PCDH10: variants seen among roughly 807,000 people sequenced by gnomAD.
PCDH10 encodes the protein protocadherin-10.
PCDH10 carries 15 observed loss-of-function variants against 74.4 expected under a neutral mutation model. The ratio of observed to expected loss-of-function variants is 0.20; its 90% CI spans 0.13 to 0.31. The LOEUF is 0.31. Ranked by LOEUF, PCDH10 falls within the 10% of genes least tolerant of loss-of-function variation. The probability of loss-of-function intolerance (pLI) is 1.00; values close to 1 mark genes in which losing one functional copy is unlikely to be tolerated. For synonymous variants in PCDH10, 619 were observed against 589.8 expected (o/e 1.05, Z -0.72); for missense variants, 1,260 against 1,390.2 (o/e 0.91, Z 1.49).
intron 4 of PCDH10, among the ~76,000 whole-genome samples, chr4:133,164,322 T>C (rs985151556): frequency 2.6e-5 from 4 of 151,934 alleles, no homozygotes; most frequent in Admixed American, 6.6e-5. Flanking sequence ...AAATCAAACT[T>C]TAATAAGTGA....
downstream of PCDH10, among the ~76,000 whole-genome samples, chr4:133,195,247 A>G (rs917103347): frequency 6.6e-6 from 1 of 152,084 alleles, no homozygotes; most frequent in Non-Finnish European, 1.5e-5. Context: ...GTTCTCTGTA[A>G]CTGATTTTCT....
intron 4 of PCDH10, among the ~76,000 whole-genome samples, chr4:133,168,023 A>G (rs1297994265): frequency 1.3e-5 from 2 of 151,196 alleles, no homozygotes; most frequent in Non-Finnish European, 3.0e-5. Context: ...GTATTTGGTG[A>G]ATTTTATTTT....
Position 133,163,145 on chromosome 4 carries a change from C to G in PCDH10, c.2966C>G (p.Thr989Ser), listed in dbSNP as rs956092581. 1 of 1,614,154 alleles carries G rather than the reference C, an allele frequency of 6.2e-7. No homozygotes were observed. Among genetic ancestry groups the G allele is most frequent in the Non-Finnish European group, 8.5e-7 (1 of 1,180,024 alleles). Residue 989 changes from threonine to serine, a missense_variant, in exon 4 of 5, where the codon ACT becomes AGT. By Grantham distance (58) the Thr-to-Ser change is moderately conservative. This residue lies in a region of PCDH10 where 136 missense variants were observed against 149.3 expected (regional missense o/e 0.91). Coordinates refer to ENST00000264360, the MANE Select transcript of PCDH10 (RefSeq NM_032961.3). ...DSVPDTEVFE[T>S]PEAQPGAERS... is the part of the protein sequence containing the mutation. ...GTTCCAGACACTGAGGTGTTTGAAACTCCAGAAGCCCAGCCTGGGGCAGAG... is the reference window on the plus strand; with the variant it reads ...GTTCCAGACACTGAGGTGTTTGAAAGTCCAGAAGCCCAGCCTGGGGCAGAG...
chr4:133,165,081 C>A (rs114965893), intron 4 of PCDH10, among the ~76,000 whole-genome samples: 21,073 of 147,178 alleles, frequency 0.14, 1,810 homozygotes, highest in Middle Eastern at 0.24. Context: ...TATATACATA[C>A]ATATATTCAT....
intron 4 of PCDH10, among the ~76,000 whole-genome samples, chr4:133,182,673 T>G (rs1727441849): frequency 6.6e-6 from 1 of 152,088 alleles, no homozygotes; most frequent in African/African-American, 2.4e-5. Context: ...TTCCTAAATG[T>G]ACACCAGCAT....
intron 2 of PCDH10, among the ~76,000 whole-genome samples, chr4:133,207,505 T>C (rs1247791959): frequency 6.6e-6 from 1 of 152,168 alleles, no homozygotes; most frequent in African/African-American, 2.4e-5. Context: ...GATAACCATA[T>C]GCTGCATAAC....
intron 2 of PCDH10, among the ~76,000 whole-genome samples, chr4:133,207,534 G>T (rs991598850): frequency 6.6e-6 from 1 of 151,768 alleles, no homozygotes; most frequent in East Asian, 1.9e-4. Flanking sequence ...TAAGTACTTT[G>T]TTAGCTCCAG....
chr4:133,205,804 GTTC>G (rs758308871), intron 2 of PCDH10, among the ~76,000 whole-genome samples: 19 of 151,922 alleles, frequency 1.3e-4, no homozygotes, highest in Non-Finnish European at 2.5e-4. Context: ...AATTCTAAGA[GTTC>G]TTCTTGTTTT....
chr4:133,195,719 A>G (rs1252472009), downstream of PCDH10, among the ~76,000 whole-genome samples: 1 of 152,098 alleles, frequency 6.6e-6, no homozygotes, highest in East Asian at 1.9e-4. Context: ...CAGTGGCCCT[A>G]GATTATAACA....
intron 2 of PCDH10, among the ~76,000 whole-genome samples, chr4:133,199,788 T>TATC (rs1553943499): frequency 8.6e-6 from 1 of 115,694 alleles, no homozygotes; most frequent in Non-Finnish European, 1.9e-5. Flanking sequence ...TTATTATTAC[T>TATC]ATTATTATTA....
chr4:133,166,293 A>G (rs1727079595), intron 4 of PCDH10, among the ~76,000 whole-genome samples: 1 of 151,670 alleles, frequency 6.6e-6, no homozygotes, highest in Non-Finnish European at 1.5e-5. Context: ...TCATTAGCAT[A>G]ATTAAAAACA....
In PCDH10 at chr4:133,191,998, T is replaced by TACACACACACACACACAC. The variant is rs1560716555; in HGVS notation, c.*1839_*1840insCACACACACACACACACA. 11 of 133,200 alleles carry TACACACACACACACACAC rather than the reference T, an allele frequency of 8.3e-5. No individual in the cohort carries two copies. The highest frequency in any genetic ancestry group is 3.2e-4 in the African/African-American group (11 of 33,964). The allele number at this position is 133,200 out of a possible 1,614,324, so 8.3% of individuals were successfully genotyped here. ...ACACACACACACACACACACACACT[T>TACACACACACACACACAC]AGGTCCTGATATGTACATTTAGAGT... On this transcript the variant is annotated 3_prime_UTR_variant, in exon 5 of 5. Transcript: ENST00000264360.
chr4:133,160,564 T>C lies in PCDH10; in HGVS notation c.2798-2413T>C, dbSNP rs1726947789. On this transcript the variant is annotated intron_variant, in intron 3 of 4. Coordinates refer to ENST00000264360, the MANE Select transcript of PCDH10 (RefSeq NM_032961.3). Reference sequence around the variant, plus strand: ...CTTGCCAGATAGGAAAATAGGCACATTGGAGTAAAAACTACGTAAAAGTAA... The same window carrying C: ...CTTGCCAGATAGGAAAATAGGCACACTGGAGTAAAAACTACGTAAAAGTAA... Among the ~76,000 whole-genome samples, 4 of 151,004 alleles carry C rather than the reference T, an allele frequency of 2.6e-5. No individual in the cohort carries two copies. In the South Asian group the frequency reaches 8.4e-4, roughly 32 times the overall value.
chr4:133,201,922 G>A (rs1727916809), intron 2 of PCDH10, among the ~76,000 whole-genome samples: 1 of 151,240 alleles, frequency 6.6e-6, no homozygotes, highest in Non-Finnish European at 1.5e-5. Context: ...TCTTTGGCTA[G>A]GGGAATCTTA....
intron 4 of PCDH10, among the ~76,000 whole-genome samples, chr4:133,177,043 T>C (rs1727310084): frequency 6.6e-6 from 1 of 152,136 alleles, no homozygotes; most frequent in African/African-American, 2.4e-5. Context: ...TAGAGAATTG[T>C]ATTGGCATAT....
intron 4 of PCDH10, among the ~76,000 whole-genome samples, chr4:133,185,512 C>G (rs1983147): frequency 0.15 from 22,528 of 152,148 alleles, 2,187 homozygotes; most frequent in Non-Finnish European, 0.22. Flanking sequence ...CACTTTAAAA[C>G]TGTCCTGAAG....
At chr4:133,158,377 T>G (rs1470044149) in intron 3 of PCDH10, among the ~76,000 whole-genome samples, 1 of 152,096 alleles carries the variant, frequency 6.6e-6, no homozygotes, top group Non-Finnish European at 1.5e-5. Flanking sequence ...GATTTATTTT[T>G]AATACCTTGT....
chr4:133,160,531 A>G (rs1396009), intron 3 of PCDH10, among the ~76,000 whole-genome samples: 75,359 of 150,320 alleles, frequency 0.5, 19,211 homozygotes, highest in African/African-American at 0.57. Flanking sequence ...AGGCAGAAGA[A>G]AAACATACTT....
chr4:133,197,067 A>G (rs1727809417), downstream of PCDH10, among the ~76,000 whole-genome samples: 1 of 152,104 alleles, frequency 6.6e-6, no homozygotes, highest in African/African-American at 2.4e-5. Flanking sequence ...TTGCCTCTCC[A>G]TTTATCAGTG....
Sources: gnomAD v4.1 joint callset for allele counts (sites outside exome capture counted in the v4.1 genomes callset) on GRCh38, gnomAD v4.1.1 for gene constraint, gnomAD v4.1.1 regional missense constraint, MANE v1.5 for transcripts, NCBI Gene and HGNC (gene_info 2026-07-23, HGNC 2026-07-21) for gene names.